BBS9: variants seen among roughly 807,000 people sequenced by gnomAD.
The protein encoded by BBS9 is protein PTHB1.
Under a neutral mutation model 117.7 loss-of-function variants are expected in BBS9, and 89 were observed. That is an observed-to-expected ratio of 0.76 (90% confidence interval 0.64 to 0.90). BBS9 has a LOEUF of 0.90. Among genes scored for constraint, BBS9 ranks in the 40% least tolerant of loss-of-function variants. The pLI is 0.00. For missense variants in BBS9, 982 were observed against 1,042.2 expected (o/e 0.94, Z 0.80); for synonymous variants, 379 against 370.9 (o/e 1.02, Z -0.25).
intron 21 of BBS9, among the ~76,000 whole-genome samples, chr7:33,629,176 T>G (rs2129227848): frequency 6.6e-6 from 1 of 152,334 alleles, no homozygotes; most frequent in South Asian, 2.1e-4. Context: ...CCTCTAGGAC[T>G]TAGCACATTA....
At chr7:33,347,262 A>G (rs981963579) in intron 12 of BBS9, among the ~76,000 whole-genome samples, 4 of 152,080 alleles carry the variant, frequency 2.6e-5, no homozygotes, top group African/African-American at 9.7e-5. Context: ...TATCATTAAT[A>G]TTATTCATTT....
intron 17 of BBS9, among the ~76,000 whole-genome samples, chr7:33,375,865 G>T (rs1823776158): frequency 6.6e-6 from 1 of 152,038 alleles, no homozygotes; most frequent in Non-Finnish European, 1.5e-5. Flanking sequence ...GGGATTACAG[G>T]TGTGAGCCAC....
At chr7:33,165,387 T>C (rs1267726017) in intron 4 of BBS9, among the ~76,000 whole-genome samples, 2 of 152,196 alleles carry the variant, frequency 1.3e-5, no homozygotes, top group Admixed American at 1.3e-4. Flanking sequence ...CCTTGCTAGG[T>C]TGGGGAAGTT....
intron 20 of BBS9, among the ~76,000 whole-genome samples, chr7:33,521,710 A>G (rs1848623897): frequency 6.7e-6 from 1 of 150,124 alleles, no homozygotes; most frequent in African/African-American, 2.4e-5. Flanking sequence ...ATGTTATTTT[A>G]TTTTCTATTT....
chr7:33,181,700 A>G (rs971959193), intron 5 of BBS9, among the ~76,000 whole-genome samples: 1 of 152,250 alleles, frequency 6.6e-6, no homozygotes, highest in African/African-American at 2.4e-5. Context: ...TTTAGCCGAT[A>G]TGTTCACACA....
intron 19 of BBS9, among the ~76,000 whole-genome samples, chr7:33,422,458 T>A (rs1215811335): frequency 6.6e-6 from 1 of 152,188 alleles, no homozygotes; most frequent in African/African-American, 2.4e-5. Context: ...TATTTTTTAG[T>A]GGTTTGTGAT....
chr7:33,449,493 C>G (rs372023562), intron 19 of BBS9, among the ~76,000 whole-genome samples: 6 of 152,072 alleles, frequency 3.9e-5, no homozygotes, highest in Non-Finnish European at 7.4e-5. Context: ...CCTGGAGAGG[C>G]TTGGGGGCTG....
At chr7:33,588,376 C>T (rs1861315496) in intron 21 of BBS9, among the ~76,000 whole-genome samples, 1 of 152,102 alleles carries the variant, frequency 6.6e-6, no homozygotes, top group Non-Finnish European at 1.5e-5. Context: ...GCAGATAATA[C>T]TATGTAAAAA....
intron 11 of BBS9, among the ~76,000 whole-genome samples, chr7:33,343,992 A>T (rs1817060717): frequency 6.6e-6 from 1 of 152,028 alleles, no homozygotes; most frequent in African/African-American, 2.4e-5. Flanking sequence ...AAGTTAATAG[A>T]ATTAATACTT....
At chr7:33,148,695 T>TG (rs1246976588) in intron 2 of BBS9, among the ~76,000 whole-genome samples, 6 of 150,424 alleles carry the variant, frequency 4.0e-5, no homozygotes, top group African/African-American at 1.5e-4. Context: ...AGACAGGTCT[T>TG]GCTCTGCTGC....
intron 19 of BBS9, among the ~76,000 whole-genome samples, chr7:33,475,680 T>G (rs1841705056): frequency 1.3e-5 from 2 of 152,156 alleles, no homozygotes; most frequent in African/African-American, 2.4e-5. Context: ...GATTTCTCCC[T>G]CTCCCTTAGA....
At chr7:33,499,585 G>T (rs889101677) in intron 19 of BBS9, among the ~76,000 whole-genome samples, 16 of 152,190 alleles carry the variant, frequency 1.1e-4, no homozygotes, top group Admixed American at 4.6e-4. Flanking sequence ...GCTCCTGATA[G>T]AATTAGTTTC....
chr7:33,193,563 T>G (rs1309732028), intron 5 of BBS9, among the ~76,000 whole-genome samples: 3 of 152,116 alleles, frequency 2.0e-5, no homozygotes, highest in Non-Finnish European at 4.4e-5. Flanking sequence ...TTTTCTTGCC[T>G]TCTTTCCTAC....
chr7:33,582,999 T>C (rs552300125), intron 21 of BBS9, among the ~76,000 whole-genome samples: 1 of 152,180 alleles, frequency 6.6e-6, no homozygotes, highest in South Asian at 2.1e-4. Flanking sequence ...TTTTGCATTA[T>C]CTTGAATATA....
chr7:33,145,340 G>A (rs555589869), intron 1 of BBS9, among the ~76,000 whole-genome samples: 27 of 152,270 alleles, frequency 1.8e-4, no homozygotes, highest in African/African-American at 6.3e-4. Flanking sequence ...AGGTCCAAGT[G>A]CTTTCACATC....
chr7:33,552,258 C>T (rs910678094), intron 21 of BBS9, among the ~76,000 whole-genome samples: 1 of 152,200 alleles, frequency 6.6e-6, no homozygotes, highest in Non-Finnish European at 1.5e-5. Context: ...TTCCACATCT[C>T]TAGAATCTAA....
intron 17 of BBS9, among the ~76,000 whole-genome samples, chr7:33,382,576 T>TA (rs1287856535): frequency 6.6e-6 from 1 of 152,114 alleles, no homozygotes; most frequent in East Asian, 1.9e-4. Flanking sequence ...ACTGTAGACA[T>TA]AGTAAGTCTC....
intron 16 of BBS9, among the ~76,000 whole-genome samples, chr7:33,365,378 C>A (rs1821490563): frequency 6.6e-6 from 1 of 152,198 alleles, no homozygotes; most frequent in African/African-American, 2.4e-5. Flanking sequence ...TGTAGAGGTT[C>A]TGGCCCTGGC....
At chr7:33,448,768 C>A (rs140495801) in intron 19 of BBS9, among the ~76,000 whole-genome samples, 1 of 152,292 alleles carries the variant, frequency 6.6e-6, no homozygotes, top group Non-Finnish European at 1.5e-5. Flanking sequence ...GTTCCCTGAG[C>A]AGTAACCATG....
Sources: allele counts gnomAD v4.1 joint callset (sites outside exome capture counted in the v4.1 genomes callset), GRCh38; gene constraint gnomAD v4.1.1; transcripts MANE v1.5; gene names NCBI Gene and HGNC (gene_info 2026-07-23, HGNC 2026-07-21).